HUWE1: variants seen among roughly 807,000 people sequenced by gnomAD.
HUWE1 encodes the protein HECT, UBA and WWE domain containing E3 ubiquitin protein ligase 1.
In HUWE1, 18 loss-of-function variants were observed where a neutral mutation model predicts 299.4. The observed-to-expected ratio is 0.06, with a 90% CI of 0.04 to 0.09. The LOEUF (loss-of-function observed/expected upper bound fraction) is 0.09, where lower values mean the gene tolerates loss of function less well. Among genes scored for constraint, HUWE1 ranks in the 10% least tolerant of loss-of-function variants. HUWE1 has a pLI of 1.00. For missense variants in HUWE1, 1,832 were observed against 3,462.3 expected (o/e 0.53, Z 11.82); for synonymous variants, 1,317 against 1,286.1 (o/e 1.02, Z -0.51).
intron 9 of HUWE1, 27 bp from the exon 10 acceptor site, chrX:53,631,641 G>A (rs1557022877): frequency 9.1e-7 from 1 of 1,100,116 alleles, no homozygotes; most frequent in Admixed American, 2.2e-5. Context: ...CAAGAGAGCT[G>A]TAAGGAGTCA....
intron 3 of HUWE1, among the ~76,000 whole-genome samples, chrX:53,665,043 TGA>T (rs782387339): frequency 7.7e-4 from 87 of 112,260 alleles, no homozygotes; most frequent in Non-Finnish European, 1.5e-3. Flanking sequence ...CCCAGTTTAC[TGA>T]GAGTGGCCAC....
intron 31 of HUWE1, among the ~76,000 whole-genome samples, chrX:53,593,966 G>A (rs1389862635): frequency 9.1e-6 from 1 of 110,259 alleles, no homozygotes; most frequent in African/African-American, 3.3e-5. Flanking sequence ...ACGTGGTGGC[G>A]GGCGCCTGTA....
intron 3 of HUWE1, among the ~76,000 whole-genome samples, chrX:53,668,036 CAATA>C (rs2069334909): frequency 9.0e-6 from 1 of 111,238 alleles, no homozygotes; most frequent in African/African-American, 3.3e-5. Flanking sequence ...CTGTCAAATA[CAATA>C]AAGATGGTAC....
At chrX:53,675,069 G>T (rs1321462653) in intron 3 of HUWE1, among the ~76,000 whole-genome samples, 18 of 111,298 alleles carry the variant, frequency 1.6e-4, no homozygotes, top group Non-Finnish European at 2.6e-4. Flanking sequence ...ATATACCCTA[G>T]GCCCACTCGA....
At chrX:53,617,738 C>T (rs373113350) in intron 19 of HUWE1, among the ~76,000 whole-genome samples, 5 of 111,458 alleles carry the variant, frequency 4.5e-5, no homozygotes, top group South Asian at 3.7e-4. Context: ...TGTCCTCTCC[C>T]GACACAACGA....
At chrX:53,635,878 A>G (rs1181519665) in intron 7 of HUWE1, among the ~76,000 whole-genome samples, 1 of 111,998 alleles carries the variant, frequency 8.9e-6, no homozygotes, top group East Asian at 2.8e-4. Context: ...CTACTATAGA[A>G]TGCTATTTCT....
intron 32 of HUWE1, among the ~76,000 whole-genome samples, chrX:53,592,965 T>C (rs1341679333): frequency 1.8e-5 from 2 of 112,064 alleles, no homozygotes; most frequent in Non-Finnish European, 3.8e-5. Context: ...TCCTGGCTCC[T>C]GCCATGTGAC....
chrX:53,595,251 T>C lies in HUWE1; in HGVS notation c.3316A>G (p.Thr1106Ala). ...GATAACCCCTTAGTCAAGAGCTTAG[T>C]GAGAGCTGAGGCTGTTGATCGCGCG... ...PAARSTASAL[T>A]KLLTKGLSWQ... The change falls in exon 30 of 84, where the codon ACT (threonine) becomes GCT (alanine). Residue 1106 changes from threonine to alanine, a missense_variant. By Grantham distance (58) the Thr-to-Ala change is moderately conservative. This residue lies in a region of HUWE1 where 658 missense variants were observed against 1,282.6 expected (regional missense o/e 0.51). Coordinates refer to ENST00000262854, the MANE Select transcript of HUWE1 (RefSeq NM_031407.7). 1 of 1,211,479 alleles carries C rather than the reference T, an allele frequency of 8.3e-7. No homozygotes were observed. The highest frequency in any genetic ancestry group is 2.3e-4 in the Middle Eastern group (1 of 4,317).
At chrX:53,574,625 T>G (rs1350793801) in intron 46 of HUWE1, among the ~76,000 whole-genome samples, 1 of 112,366 alleles carries the variant, frequency 8.9e-6, no homozygotes. Flanking sequence ...ATGTTAGCCT[T>G]TTAAATTTAT....
At chrX:53,652,564 T>A (rs1280518797) in intron 4 of HUWE1, among the ~76,000 whole-genome samples, 4 of 112,094 alleles carry the variant, frequency 3.6e-5, no homozygotes, top group African/African-American at 1.3e-4. Context: ...AAGCAAGTTT[T>A]CTTTTTGTCC....
At chrX:53,590,306 T>C in intron 35 of HUWE1, 98 bp downstream of exon 35, 1 of 623,722 alleles carries the variant, frequency 1.6e-6, no homozygotes, top group Non-Finnish European at 2.8e-6. Context: ...TTCCTTTAGA[T>C]TTGAATTCTA....
At chrX:53,584,648 A>C (rs1249729821) in intron 40 of HUWE1, among the ~76,000 whole-genome samples, 5 of 111,717 alleles carry the variant, frequency 4.5e-5, no homozygotes, top group African/African-American at 9.8e-5. Flanking sequence ...CTACAGACCC[A>C]AGGTCTAATC....
chrX:53,583,974 A>ACGCCTCCCT (rs1222999961), intron 41 of HUWE1, 58 bp from the exon 42 acceptor site: 2 of 974,774 alleles, frequency 2.1e-6, no homozygotes, highest in African/African-American at 3.8e-5. Flanking sequence ...ATTTCCTCCC[A>ACGCCTCCCT]CGCCTCCCTC....
chrX:53,558,558 C>T, intron 59 of HUWE1, 97 bp downstream of exon 59: 1 of 882,228 alleles, frequency 1.1e-6, no homozygotes, highest in Non-Finnish European at 1.7e-6. Context: ...CGTGAACGTT[C>T]TAGGATTCTT....
chrX:53,680,717 G>A (rs2070088049), intron 2 of HUWE1: 1 of 111,686 alleles, frequency 9.0e-6, no homozygotes, highest in Non-Finnish European at 1.9e-5. Flanking sequence ...AAACTTTTAG[G>A]TCACACCTAG....
Position 53,549,263 on chromosome X carries a change from T to C in HUWE1, c.9731A>G (p.Lys3244Arg). The part of the protein sequence containing the change: ...SESELCIETP[K>R]LTTSEEKGKK... ...GCCCTTTTCCTCACTTGTAGTGAGTTTGGGTGTTTCAATGCATAGCTCACT... is the reference window on the plus strand; with the variant it reads ...GCCCTTTTCCTCACTTGTAGTGAGTCTGGGTGTTTCAATGCATAGCTCACT... The change falls in exon 67 of 84, where the codon AAA becomes AGA. Residue 3244 changes from lysine to arginine, a missense_variant. Physicochemically the swap from Lys to Arg is conservative, Grantham distance 26 (BLOSUM62 2). Coordinates refer to ENST00000262854, the MANE Select transcript of HUWE1 (RefSeq NM_031407.7). The C allele has an allele frequency of 8.3e-7, 1 of 1,211,451 alleles. No homozygotes were observed. The highest frequency in any genetic ancestry group is 1.1e-6 in the Non-Finnish European group (1 of 895,322).
chrX:53,543,303 C>T (rs1176085894), intron 73 of HUWE1, among the ~76,000 whole-genome samples: 8 of 110,802 alleles, frequency 7.2e-5, no homozygotes, highest in Admixed American at 5.8e-4. Context: ...CCACTCAATG[C>T]CGGGACCCCA....
chrX:53,563,619 A>T, intron 52 of HUWE1, 127 bp downstream of exon 52: 1 of 723,867 alleles, frequency 1.4e-6, no homozygotes, highest in Non-Finnish European at 2.1e-6. Flanking sequence ...CAACATCAAG[A>T]CAAGCAGCGA....
At chrX:53,555,795 C>T (rs1185567437) in intron 60 of HUWE1, among the ~76,000 whole-genome samples, 2 of 109,505 alleles carry the variant, frequency 1.8e-5, no homozygotes, top group African/African-American at 6.7e-5. Context: ...GCGAGTGTCA[C>T]CAAGCCTGGC....
Sources: allele counts gnomAD v4.1 joint callset (sites outside exome capture counted in the v4.1 genomes callset), GRCh38; gene constraint gnomAD v4.1.1; regional missense constraint gnomAD v4.1.1; transcripts MANE v1.5; gene names NCBI Gene and HGNC (gene_info 2026-07-23, HGNC 2026-07-21).